Variants in ATF7IP2 observed in about 807,000 individuals in gnomAD.
ATF7IP2 encodes activating transcription factor 7-interacting protein 2.
A neutral mutation model predicts 64.2 loss-of-function variants in ATF7IP2; 42 were observed. That is an observed-to-expected ratio of 0.65 (90% CI 0.51 to 0.85). The LOEUF (loss-of-function observed/expected upper bound fraction) is 0.85, where lower values mean the gene tolerates loss of function less well. Among genes scored for constraint, ATF7IP2 ranks in the 40% least tolerant of loss-of-function variants. The pLI is 0.00. For missense variants in ATF7IP2, 933 were observed against 784.2 expected, an observed-to-expected ratio of 1.19 and a Z score of -2.27; for synonymous variants, 308 against 272.8, an observed-to-expected ratio of 1.13 and a Z score of -1.27.
At chr16:10,463,128 T>G (rs1202599625) in intron 9 of ATF7IP2, among the ~76,000 whole-genome samples, 4 of 152,206 alleles carry the variant, frequency 2.6e-5, no homozygotes, top group African/African-American at 9.6e-5. Flanking sequence ...TGAACTCTAT[T>G]TGTGTTTGCT....
intron 3 of ATF7IP2, among the ~76,000 whole-genome samples, chr16:10,422,874 G>A (rs2048013574): frequency 1.3e-5 from 2 of 152,326 alleles, no homozygotes; most frequent in South Asian, 4.1e-4. Flanking sequence ...CCAGGGAACA[G>A]AAGTAGATAC....
intron 7 of ATF7IP2, among the ~76,000 whole-genome samples, chr16:10,439,970 G>C (rs1399225113): frequency 6.6e-6 from 1 of 150,926 alleles, no homozygotes; most frequent in East Asian, 2.0e-4. Flanking sequence ...AAACCAGCCT[G>C]ACCAACATGG....
At chr16:10,436,596 A>T (rs925288597) in intron 6 of ATF7IP2, among the ~76,000 whole-genome samples, 2 of 152,218 alleles carry the variant, frequency 1.3e-5, no homozygotes, top group Admixed American at 6.5e-5. Flanking sequence ...GATCAAAATT[A>T]AAGAATATAA....
At chr16:10,452,455 C>G (rs756281608) in intron 8 of ATF7IP2, among the ~76,000 whole-genome samples, 5 of 152,218 alleles carry the variant, frequency 3.3e-5, no homozygotes, top group Non-Finnish European at 7.3e-5. Context: ...GCAACGATTG[C>G]TGCCTGTTCC....
chr16:10,392,566 C>T (rs866615400), intron 1 of ATF7IP2, among the ~76,000 whole-genome samples: 2 of 152,094 alleles, frequency 1.3e-5, no homozygotes, highest in African/African-American at 4.8e-5. Context: ...ACACCATTCA[C>T]ACAGAAATTG....
At chr16:10,441,488 A>C (rs1051545540) in intron 8 of ATF7IP2, among the ~76,000 whole-genome samples, 1 of 152,126 alleles carries the variant, frequency 6.6e-6, no homozygotes, top group African/African-American at 2.4e-5. Flanking sequence ...TTTGATTTGC[A>C]TTTCTATAAT....
chr16:10,415,607 A>G (rs1328556964), intron 2 of ATF7IP2, among the ~76,000 whole-genome samples: 1 of 152,218 alleles, frequency 6.6e-6, no homozygotes, highest in African/African-American at 2.4e-5. Context: ...AAAATGGACA[A>G]ATTGGATCAC....
Position 10,483,498 on chromosome 16 carries a change from C to G in ATF7IP2, c.*1249C>G, listed in dbSNP as rs575979517. ...TGATAAGAAACAAAAATAATCCCAACTGTTTGAAAGTTCGAAAGAGGGGCA... is the reference window on the plus strand; with the variant it reads ...TGATAAGAAACAAAAATAATCCCAAGTGTTTGAAAGTTCGAAAGAGGGGCA... On this transcript the variant is annotated 3_prime_UTR_variant, in exon 14 of 14. Coordinates refer to ENST00000562102, the MANE Select transcript of ATF7IP2 (RefSeq NM_001393719.1). The G allele has an allele frequency of 5.9e-5, 9 of 152,148 alleles. No individual in the cohort carries two copies. The highest frequency in any genetic ancestry group is 1.3e-4 in the Non-Finnish European group (9 of 68,034). 9.4% of individuals were successfully genotyped at this position (152,148 alleles called of 1,614,324 possible). A position where few individuals can be genotyped will look rare whatever the true frequency, so the allele number is the denominator to read the frequency against.
chr16:10,424,779 G>A (rs531820129), intron 3 of ATF7IP2, among the ~76,000 whole-genome samples: 1 of 152,180 alleles, frequency 6.6e-6, no homozygotes, highest in Non-Finnish European at 1.5e-5. Flanking sequence ...AAATCAAAAT[G>A]GCAATAAGGC....
At chr16:10,427,710 T>C (rs1007637415) in intron 3 of ATF7IP2, among the ~76,000 whole-genome samples, 6 of 152,088 alleles carry the variant, frequency 3.9e-5, no homozygotes, top group African/African-American at 1.4e-4. Flanking sequence ...TTTTTACAAA[T>C]TAGCCAGTTG....
At chr16:10,406,438 A>T (rs1043923834) in intron 1 of ATF7IP2, among the ~76,000 whole-genome samples, 3 of 152,178 alleles carry the variant, frequency 2.0e-5, no homozygotes, top group Non-Finnish European at 2.9e-5. Flanking sequence ...GATGCATCTT[A>T]AAGAACTAGA....
At chr16:10,426,112 T>A (rs78081792) in intron 3 of ATF7IP2, among the ~76,000 whole-genome samples, 1 of 152,352 alleles carries the variant, frequency 6.6e-6, no homozygotes, top group East Asian at 1.9e-4. Flanking sequence ...GATTAAGGAC[T>A]TAAATTATAA....
At chr16:10,480,381 T>C (rs931690920) in intron 12 of ATF7IP2, among the ~76,000 whole-genome samples, 1 of 151,912 alleles carries the variant, frequency 6.6e-6, no homozygotes, top group Admixed American at 6.6e-5. Context: ...CACCATCTAT[T>C]TTCCTTTCTG....
At chr16:10,444,164 T>A (rs766836532) in intron 8 of ATF7IP2, among the ~76,000 whole-genome samples, 1 of 152,204 alleles carries the variant, frequency 6.6e-6, no homozygotes, top group Non-Finnish European at 1.5e-5. Flanking sequence ...GAAACGATGA[T>A]CAGGTTACAT....
intron 3 of ATF7IP2, among the ~76,000 whole-genome samples, chr16:10,422,257 A>T (rs1269714880): frequency 6.6e-6 from 1 of 152,246 alleles, no homozygotes; most frequent in Non-Finnish European, 1.5e-5. Flanking sequence ...TGGAGGCTTA[A>T]CAATGGCCAC....
chr16:10,387,566 T>G (rs1347686850), intron 1 of ATF7IP2: 1 of 152,268 alleles, frequency 6.6e-6, no homozygotes, highest in Non-Finnish European at 1.5e-5. Context: ...CCATTGTGTT[T>G]CCTTGCTACT....
At chr16:10,462,590 A>T (rs147209779) in intron 9 of ATF7IP2, among the ~76,000 whole-genome samples, 1 of 152,116 alleles carries the variant, frequency 6.6e-6, no homozygotes, top group African/African-American at 2.4e-5. Flanking sequence ...TTTTTCAAAG[A>T]TAAGTCTCTA....
At chr16:10,472,794 T>C (rs2049851040) in intron 10 of ATF7IP2, among the ~76,000 whole-genome samples, 1 of 148,784 alleles carries the variant, frequency 6.7e-6, no homozygotes, top group African/African-American at 2.5e-5. Flanking sequence ...AGGCAGAGAC[T>C]GCAGTGAGCT....
Position 10,430,625 on chromosome 16 carries a change from C to T in ATF7IP2, c.5C>T (p.Ala2Val). 6.2e-7 allele frequency: 1 copy of T among 1,602,318 alleles called. No homozygotes were observed. The highest frequency in any genetic ancestry group is 1.1e-5 in the South Asian group (1 of 90,064). ...TTAAATTCCAGGATATGAAAGATGGCAAGTCCAGATAGAAGTAAACGGAAG... is the reference window on the plus strand; with the variant it reads ...TTAAATTCCAGGATATGAAAGATGGTAAGTCCAGATAGAAGTAAACGGAAG... M[A>V]SPDRSKRKIL... is the part of the protein sequence containing the mutation. Residue 2 changes from alanine to valine, a missense_variant, in exon 5 of 14, where the codon GCA (alanine) becomes GTA (valine). By Grantham distance (64) the Ala-to-Val change is moderately conservative. Transcript: ENST00000562102.
Sources: allele counts gnomAD v4.1 joint callset (sites outside exome capture counted in the v4.1 genomes callset), GRCh38; gene constraint gnomAD v4.1.1; transcripts MANE v1.5; gene names NCBI Gene and HGNC (gene_info 2026-07-23, HGNC 2026-07-21).